The following CPNE1 variants were observed in gnomAD, a reference collection of about 807,000 sequenced individuals.
CPNE1 encodes copine-1.
CPNE1 carries 58 observed loss-of-function variants against 63.2 expected under a neutral mutation model. The observed-to-expected ratio is 0.92, with a 90% CI of 0.74 to 1.14. The LOEUF (loss-of-function observed/expected upper bound fraction) is 1.14. Among genes scored for constraint, CPNE1 ranks in the 50% most tolerant of loss-of-function variants. The pLI, the probability that CPNE1 is intolerant of heterozygous loss-of-function variation, is 0.00. For synonymous variants in CPNE1, 237 were observed against 249.0 expected (o/e 0.95, Z 0.45); for missense variants, 672 against 661.7 (o/e 1.02, Z -0.17).
chr20:35,641,507 C>G (rs1454004682), intron 1 of CPNE1, among the ~76,000 whole-genome samples: 2 of 152,164 alleles, frequency 1.3e-5, no homozygotes, highest in African/African-American at 2.4e-5. Context: ...TGGGCAAATA[C>G]TTAATCTCAC....
intron 1 of CPNE1, among the ~76,000 whole-genome samples, chr20:35,633,284 T>C (rs2032286143): frequency 6.6e-6 from 1 of 152,198 alleles, no homozygotes; most frequent in African/African-American, 2.4e-5. Context: ...CAATAAATCT[T>C]TCTGACCCCC....
intron 1 of CPNE1, chr20:35,653,681 T>C: frequency 3.1e-6 from 5 of 1,614,226 alleles, no homozygotes; most frequent in Non-Finnish European, 2.5e-6. Flanking sequence ...ATATTTGTTA[T>C]GTGGGCACAG....
At chr20:35,652,143 T>A (rs41307155) in intron 1 of CPNE1, 136 of 163,258 alleles carry the variant, frequency 8.3e-4, no homozygotes, top group Non-Finnish European at 1.6e-3. Flanking sequence ...CCAACTTCTA[T>A]TTTCAGCAGC....
rs1281399349 is a variant in CPNE1, at chr20:35,631,941, A to G, written c.537+4T>C. 6.2e-7 allele frequency: 1 copy of G among 1,613,292 alleles called. No individual in the cohort carries two copies. The highest frequency in any genetic ancestry group is 8.5e-7 in the Non-Finnish European group (1 of 1,179,382). ...CAGCCCACCCAATCCCAGGGGTCTC[A>G]TACCTCAGATCTGTACACCAGGTGC... On this transcript the variant is annotated splice_donor_region_variant and intron_variant, in intron 6 of 15. Transcript: ENST00000397443.
intron 1 of CPNE1, among the ~76,000 whole-genome samples, chr20:35,638,811 G>T (rs553290508): frequency 6.6e-6 from 1 of 152,244 alleles, no homozygotes; most frequent in South Asian, 2.1e-4. Flanking sequence ...AAATCTATTA[G>T]TATCTGTAAC....
At position 35,630,899 on chromosome 20, in the gene CPNE1, A is replaced by G; in HGVS notation, c.995+2T>C. ...GTATAGCCCAGAGAAGCAGGTACTC[A>G]CGAGTCATAGTCCTGAACCACGCTG... On this transcript the variant is annotated splice_donor_variant, in intron 11 of 15. Coordinates refer to ENST00000397443, the MANE Select transcript of CPNE1 (RefSeq NM_152925.3). LOFTEE classifies it high-confidence loss of function. The G allele has an allele frequency of 6.2e-7, 1 of 1,605,004 alleles. No homozygotes were observed. Among genetic ancestry groups the G allele is most frequent in the Non-Finnish European group, 8.5e-7 (1 of 1,174,752 alleles).
intron 1 of CPNE1, chr20:35,664,323 G>C (rs2034411968): frequency 6.6e-6 from 1 of 152,402 alleles, no homozygotes; most frequent in Non-Finnish European, 1.5e-5. Flanking sequence ...TCCATTTCGG[G>C]TTGAAGGAGT....
intron 1 of CPNE1, chr20:35,654,293 C>T (rs754891379): frequency 2.8e-5 from 46 of 1,614,074 alleles, no homozygotes; most frequent in African/African-American, 4.0e-5. Flanking sequence ...AATCCATTCC[C>T]ATTATTTCGA....
At chr20:35,660,963 G>A (rs2034201471) in intron 1 of CPNE1, among the ~76,000 whole-genome samples, 1 of 152,172 alleles carries the variant, frequency 6.6e-6, no homozygotes, top group Non-Finnish European at 1.5e-5. Flanking sequence ...ACCTTTAAAA[G>A]GAAGATATTT....
chr20:35,631,334 G>A lies in CPNE1; in HGVS notation c.735C>T (p.His245=), dbSNP rs772600626. ...TTTTCTTTTTCTGCTGCTTCTCAGG[G>A]TGGATGCATTCAAACTCAGCCTGGT... The part of the protein sequence containing the change: ...QAVPAEFECI[H]PEKQQKKKSY... Residue 245 remains histidine, a synonymous_variant, in exon 9 of 16, where the codon CAC becomes CAT. Transcript: ENST00000397443. 26 of 1,614,010 alleles carry A rather than the reference G, an allele frequency of 1.6e-5. No homozygotes were observed. Among genetic ancestry groups the A allele is most frequent in the Middle Eastern group, 1.6e-4 (1 of 6,082 alleles).
chr20:35,653,601 T>G (rs1475906892), intron 1 of CPNE1: 1 of 1,614,216 alleles, frequency 6.2e-7, no homozygotes, highest in Non-Finnish European at 8.5e-7. Flanking sequence ...CAAGAACATG[T>G]ACAGCATTTT....
At chr20:35,630,669 A>C in intron 12 of CPNE1, 72 bp downstream of exon 12, 1 of 1,573,112 alleles carries the variant, frequency 6.4e-7, no homozygotes, top group Non-Finnish European at 8.7e-7. Context: ...AGTAGCAAGT[A>C]AATTTACCAC....
chr20:35,647,634 C>A (rs1449116874), intron 1 of CPNE1, among the ~76,000 whole-genome samples: 1 of 152,024 alleles, frequency 6.6e-6, no homozygotes. Flanking sequence ...AGTAGCAAGC[C>A]ACCGTGGCTA....
rs552365228 is a variant in CPNE1 at position 35,626,381 on chromosome 20, C to A, written c.1474G>T (p.Ala492Ser). 149 of 1,613,660 alleles carry A rather than the reference C, an allele frequency of 9.2e-5. 2 individuals carry two copies. In the Middle Eastern group the frequency reaches 2.1e-3, roughly 23 times the overall value. Residue 492 changes from alanine (A) to serine (S), a missense_variant and splice_region_variant, in exon 16 of 16, where the codon GCC becomes TCC. By Grantham distance (99) the Ala-to-Ser change is moderately conservative. Coordinates refer to ENST00000397443, the MANE Select transcript of CPNE1 (RefSeq NM_152925.3). ...GTCTGTGCCAATGCCTCCCGAGGGGCCTGCCAAGAAAAGGGAAAAGTCAGT... is the reference window on the plus strand; with the variant it reads ...GTCTGTGCCAATGCCTCCCGAGGGGACTGCCAAGAAAAGGGAAAAGTCAGT... ...QFVPYRRFQN[A>S]PREALAQTVL...
At position 35,631,256 on chromosome 20, in the gene CPNE1, C is replaced by T. The variant is rs1394657896; in HGVS notation, c.801+12G>A. ...GGAATCAGAGCCTTGGTTACATGGG[C>T]TTTTGTCTCACCCGACAAATCTTGA... On this transcript the variant is annotated intron_variant, in intron 9 of 15. Transcript: ENST00000397443. The T allele has an allele frequency of 6.2e-6, 10 of 1,613,992 alleles. No individual in the cohort carries two copies. Among genetic ancestry groups the T allele is most frequent in the Non-Finnish European group, 8.5e-6 (10 of 1,179,832 alleles).
chr20:35,664,364 G>A (rs1054958202), intron 1 of CPNE1: 1 of 152,274 alleles, frequency 6.6e-6, no homozygotes, highest in Non-Finnish European at 1.5e-5. Context: ...CCCACCTCCA[G>A]GCACAGAGAT....
At chr20:35,663,134 C>T (rs2034327382) in intron 1 of CPNE1, among the ~76,000 whole-genome samples, 2 of 152,156 alleles carry the variant, frequency 1.3e-5, no homozygotes, top group African/African-American at 4.8e-5. Context: ...ACAGTTCTTC[C>T]CAACTTTTTA....
chr20:35,631,918 GC>G, intron 6 of CPNE1, 26 bp downstream of exon 6: 1 of 1,600,136 alleles, frequency 6.2e-7, no homozygotes, highest in Non-Finnish European at 8.6e-7. Context: ...TCCTACCCCA[GC>G]CCACCCAATC....
intron 1 of CPNE1, among the ~76,000 whole-genome samples, chr20:35,660,371 C>G (rs907186002): frequency 6.6e-6 from 1 of 152,112 alleles, no homozygotes; most frequent in Non-Finnish European, 1.5e-5. Flanking sequence ...CTTGCGCCAC[C>G]ACCCGCAGCT....
Sources: gnomAD v4.1 joint callset for allele counts (sites outside exome capture counted in the v4.1 genomes callset) on GRCh38, gnomAD v4.1.1 for gene constraint, MANE v1.5 for transcripts, NCBI Gene and HGNC (gene_info 2026-07-23, HGNC 2026-07-21) for gene names.